ARHGAP15: variants seen among roughly 807,000 people sequenced by gnomAD.
ARHGAP15 encodes Rho GTPase activating protein 15, also known as rho GTPase-activating protein 15.
A neutral mutation model predicts 63.7 loss-of-function variants in ARHGAP15; 51 were observed. That is an observed-to-expected ratio of 0.80 (90% CI 0.64 to 1.01). ARHGAP15 has a LOEUF of 1.01. Ranked by LOEUF, ARHGAP15 falls within the 50% of genes least tolerant of loss-of-function variation. The pLI is 0.00. For missense variants in ARHGAP15, 560 were observed against 564.6 expected (o/e 0.99, Z 0.08); for synonymous variants, 191 against 193.8 (o/e 0.99, Z 0.12).
At chr2:143,683,019 A>G (rs1338960607) in intron 12 of ARHGAP15, 1 of 152,168 alleles carries the variant, frequency 6.6e-6, no homozygotes, top group Admixed American at 6.6e-5. Context: ...TTAAAAAAAG[A>G]TTTCTTTAAG....
intron 6 of ARHGAP15, among the ~76,000 whole-genome samples, chr2:143,431,772 T>C (rs1468392177): frequency 1.3e-5 from 2 of 152,078 alleles, no homozygotes; most frequent in Non-Finnish European, 2.9e-5. Context: ...TTGTACTTAA[T>C]GGATGCTTAA....
intron 6 of ARHGAP15, among the ~76,000 whole-genome samples, chr2:143,279,169 G>C (rs1681719369): frequency 6.6e-6 from 1 of 152,090 alleles, no homozygotes; most frequent in African/African-American, 2.4e-5. Context: ...ATTATTTCTA[G>C]GGAAGAATGA....
At chr2:143,340,226 A>C (rs1396099879) in intron 6 of ARHGAP15, among the ~76,000 whole-genome samples, 3 of 152,208 alleles carry the variant, frequency 2.0e-5, no homozygotes, top group Non-Finnish European at 4.4e-5. Context: ...AAGCTGCAGA[A>C]CCAAAGAGAA....
intron 1 of ARHGAP15, among the ~76,000 whole-genome samples, chr2:143,144,860 A>G (rs1465656132): frequency 6.6e-6 from 1 of 152,096 alleles, no homozygotes; most frequent in Non-Finnish European, 1.5e-5. Flanking sequence ...AAGACACCAT[A>G]GTAACAAGTA....
intron 6 of ARHGAP15, among the ~76,000 whole-genome samples, chr2:143,349,704 T>A (rs565005965): frequency 1.3e-5 from 2 of 152,334 alleles, no homozygotes; most frequent in South Asian, 4.1e-4. Context: ...TTTCCTGTGT[T>A]TCACAACAAA....
chr2:143,576,709 AAAG>A (rs1696694845), intron 11 of ARHGAP15, among the ~76,000 whole-genome samples: 1 of 152,232 alleles, frequency 6.6e-6, no homozygotes, highest in South Asian at 2.1e-4. Context: ...GATAAAGAAA[AAAG>A]AACTCTGGGA....
intron 8 of ARHGAP15, among the ~76,000 whole-genome samples, chr2:143,438,931 A>G (rs1689736017): frequency 6.6e-6 from 1 of 152,222 alleles, no homozygotes; most frequent in South Asian, 2.1e-4. Flanking sequence ...GCTATGGAGA[A>G]AATAAAGGTT....
chr2:143,440,648 C>G (rs1283827028), intron 8 of ARHGAP15, among the ~76,000 whole-genome samples: 1 of 152,138 alleles, frequency 6.6e-6, no homozygotes, highest in Non-Finnish European at 1.5e-5. Flanking sequence ...TTTACATATA[C>G]TTTTCTTTTA....
At chr2:143,375,039 G>A (rs1686742366) in intron 6 of ARHGAP15, among the ~76,000 whole-genome samples, 1 of 152,142 alleles carries the variant, frequency 6.6e-6, no homozygotes, top group South Asian at 2.1e-4. Flanking sequence ...GAAAAAATAA[G>A]AGGTTAGAAA....
intron 11 of ARHGAP15, among the ~76,000 whole-genome samples, chr2:143,607,377 A>G (rs1363701867): frequency 6.6e-6 from 1 of 152,214 alleles, no homozygotes; most frequent in Non-Finnish European, 1.5e-5. Flanking sequence ...CTGATAATTT[A>G]GAACTTAGAG....
At chr2:143,252,546 G>A (rs911088367) in intron 6 of ARHGAP15, among the ~76,000 whole-genome samples, 2 of 151,660 alleles carry the variant, frequency 1.3e-5, no homozygotes, top group Non-Finnish European at 2.9e-5. Context: ...TTTTTTTTTA[G>A]TCTTGTACTT....
chr2:143,633,324 G>A (rs1680145922), intron 12 of ARHGAP15, among the ~76,000 whole-genome samples: 1 of 152,136 alleles, frequency 6.6e-6, no homozygotes, highest in Admixed American at 6.6e-5. Context: ...TTGCACAGGT[G>A]TCTTTTTGTA....
At chr2:143,624,075 G>C in intron 11 of ARHGAP15, 58 bp from the exon 12 acceptor site, 1 of 1,585,166 alleles carries the variant, frequency 6.3e-7, no homozygotes, top group Non-Finnish European at 8.6e-7. Flanking sequence ...ATAATAATTA[G>C]TGTCTTGTAA....
At chr2:143,188,337 A>G (rs140081991) in intron 2 of ARHGAP15, among the ~76,000 whole-genome samples, 240 of 152,082 alleles carry the variant, frequency 1.6e-3, no homozygotes, top group South Asian at 4.4e-3. Context: ...GGAGTAAATG[A>G]TTGCCTAAAT....
intron 6 of ARHGAP15, among the ~76,000 whole-genome samples, chr2:143,414,112 A>G (rs1244685354): frequency 6.6e-6 from 1 of 151,380 alleles, no homozygotes; most frequent in Non-Finnish European, 1.5e-5. Context: ...CAAAAAATAT[A>G]TATGTATATG....
chr2:143,580,798 G>A (rs558182741), intron 11 of ARHGAP15, among the ~76,000 whole-genome samples: 39 of 151,886 alleles, frequency 2.6e-4, no homozygotes, highest in African/African-American at 9.2e-4. Flanking sequence ...CTTGTGCCTT[G>A]TCTTCCCAAC....
chr2:143,413,621 C>G (rs1049487081), intron 6 of ARHGAP15, among the ~76,000 whole-genome samples: 6 of 152,126 alleles, frequency 3.9e-5, no homozygotes, highest in African/African-American at 1.4e-4. Flanking sequence ...CAGCTGTAAG[C>G]CACCACAACC....
intron 5 of ARHGAP15, among the ~76,000 whole-genome samples, chr2:143,243,799 G>A (rs535022147): frequency 1.3e-5 from 2 of 152,050 alleles, no homozygotes; most frequent in Non-Finnish European, 2.9e-5. Flanking sequence ...CCCTAAAACT[G>A]CTCTTCAGGC....
At chr2:143,189,361 C>T (rs1027822501) in intron 2 of ARHGAP15, among the ~76,000 whole-genome samples, 1 of 152,124 alleles carries the variant, frequency 6.6e-6, no homozygotes, top group Non-Finnish European at 1.5e-5. Context: ...GTCAGAGGCT[C>T]ATATCGTAAA....
Sources: gnomAD v4.1 joint callset for allele counts (sites outside exome capture counted in the v4.1 genomes callset) on GRCh38, gnomAD v4.1.1 for gene constraint, MANE v1.5 for transcripts, NCBI Gene and HGNC (gene_info 2026-07-23, HGNC 2026-07-21) for gene names.